Variants in GLTP observed in about 807,000 individuals in gnomAD.
GLTP encodes glycolipid transfer protein.
GLTP carries 22 observed loss-of-function variants against 24.0 expected under a neutral mutation model. The observed-to-expected ratio is 0.92, with a 90% confidence interval of 0.65 to 1.31. GLTP has a LOEUF of 1.31. GLTP is among the 50% of genes most tolerant of loss of function. The pLI, the probability that GLTP is intolerant of heterozygous loss-of-function variation, is 0.00. For missense variants in GLTP, 224 were observed against 276.6 expected (o/e 0.81, Z 1.35); for synonymous variants, 92 against 115.9 (o/e 0.79, Z 1.33).
chr12:109,857,754 T>G lies in GLTP; in HGVS notation c.163-95A>C. 2 of 1,173,372 alleles carry G rather than the reference T, an allele frequency of 1.7e-6. No homozygotes were observed. The highest frequency in any genetic ancestry group is 2.6e-6 in the Non-Finnish European group (2 of 780,424). The allele number at this position is 1,173,372 out of a possible 1,614,324, so 72.7% of individuals were successfully genotyped here. A position where few individuals can be genotyped will look rare whatever the true frequency, so the allele number is the denominator to read the frequency against. ...TGAAAAGCACCCTACCGGCATCTCC[T>G]GCTCCTTCCTGCCCTCCAGGAACAG... On this transcript the variant is annotated intron_variant, in intron 2 of 4. Transcript: ENST00000318348. The surrounding 1 kb of genome is among the most constrained non-coding windows in gnomAD (Gnocchi z 4.3).
At chr12:109,871,766 C>T (rs1231214529) in intron 1 of GLTP, among the ~76,000 whole-genome samples, 1 of 152,208 alleles carries the variant, frequency 6.6e-6, no homozygotes, top group African/African-American at 2.4e-5. Context: ...CACGGTCATA[C>T]GTTATATTTT....
intron 1 of GLTP, among the ~76,000 whole-genome samples, chr12:109,864,820 A>C (rs904815472): frequency 2.6e-5 from 4 of 152,154 alleles, no homozygotes; most frequent in African/African-American, 9.7e-5. Flanking sequence ...TGGCTTTTCT[A>C]ATAGTTTATT....
In GLTP at chr12:109,852,390, A is replaced by AAAG; in HGVS notation, c.*164_*165insCTT. 1 of 545,702 alleles carries AAAG rather than the reference A, an allele frequency of 1.8e-6. No individual in the cohort carries two copies. Among genetic ancestry groups the AAAG allele is most frequent in the Non-Finnish European group, 3.3e-6 (1 of 306,128 alleles). 33.8% of individuals were successfully genotyped at this position (545,702 alleles called of 1,614,324 possible). On this transcript the variant is annotated 3_prime_UTR_variant, in exon 5 of 5. Transcript: ENST00000318348. ...GAATAGACCAAAAAAAAAAAAAAAAAAGACTTAAAAAACGAGGGCTGTCCC... is the reference window on the plus strand; with the variant it reads ...GAATAGACCAAAAAAAAAAAAAAAAAAAGAGACTTAAAAAACGAGGGCTGTCCC...
intron 1 of GLTP, among the ~76,000 whole-genome samples, chr12:109,862,061 G>A (rs574831196): frequency 3.9e-5 from 6 of 152,152 alleles, no homozygotes; most frequent in African/African-American, 7.2e-5. Context: ...GTCTCCTCTC[G>A]GCAACTGAGC....
intron 2 of GLTP, chr12:109,858,286 C>T: frequency 2.2e-6 from 1 of 455,224 alleles, no homozygotes; most frequent in Non-Finnish European, 4.4e-6. Context: ...TTGGCTGGGC[C>T]CTAGGTGGAT....
At chr12:109,856,390 A>T (rs1056404010) in intron 3 of GLTP, among the ~76,000 whole-genome samples, 1 of 151,944 alleles carries the variant, frequency 6.6e-6, no homozygotes, top group African/African-American at 2.4e-5. Context: ...CGAAAATCTC[A>T]CCAGGGCCAG....
At chr12:109,856,633 T>G (rs1248126084) in intron 3 of GLTP, among the ~76,000 whole-genome samples, 1 of 151,690 alleles carries the variant, frequency 6.6e-6, no homozygotes, top group Non-Finnish European at 1.5e-5. Flanking sequence ...CTCCCTGCAG[T>G]GGGGTGGGGA....
Position 109,857,912 on chromosome 12 carries a change from G to C in GLTP, c.163-253C>G. 1.9e-6 allele frequency: 1 copy of C among 519,740 alleles called. No individual in the cohort carries two copies. Among genetic ancestry groups the C allele is most frequent in the East Asian group, 3.7e-5 (1 of 27,350 alleles). The allele number at this position is 519,740 out of a possible 1,614,324, so 32.2% of individuals were successfully genotyped here. A position where few individuals can be genotyped will look rare whatever the true frequency, so the allele number is the denominator to read the frequency against. On this transcript the variant is annotated intron_variant, in intron 2 of 4. Coordinates refer to ENST00000318348, the MANE Select transcript of GLTP (RefSeq NM_016433.4). This position sits in a 1 kb window ranked among gnomAD's most constrained non-coding sequence, Gnocchi z 4.3. Reference sequence around the variant, plus strand: ...CTGTCATTATCCCATTTTACAGGCAGAGACACTGAGGCTCACAGAGGAGCA... The same window carrying C: ...CTGTCATTATCCCATTTTACAGGCACAGACACTGAGGCTCACAGAGGAGCA...
At chr12:109,852,852 G>A (rs1378450794) in intron 4 of GLTP, 115 bp from the exon 5 acceptor site, 4 of 659,986 alleles carry the variant, frequency 6.1e-6, no homozygotes, top group Middle Eastern at 2.5e-4. Context: ...ACAGGGGGTT[G>A]TGCTATTTGA....
At chr12:109,870,128 A>G (rs1377705155) in intron 1 of GLTP, among the ~76,000 whole-genome samples, 1 of 152,124 alleles carries the variant, frequency 6.6e-6, no homozygotes, top group South Asian at 2.1e-4. Flanking sequence ...GTATAAATAA[A>G]GGCCTAAGCA....
chr12:109,865,963 T>A (rs1199555540), intron 1 of GLTP, among the ~76,000 whole-genome samples: 2 of 152,072 alleles, frequency 1.3e-5, no homozygotes, highest in Admixed American at 6.5e-5. Context: ...AGAAACCTCC[T>A]ATATGGGGGA....
chr12:109,864,860 A>G (rs1314330572), intron 1 of GLTP, among the ~76,000 whole-genome samples: 1 of 151,850 alleles, frequency 6.6e-6, no homozygotes, highest in Non-Finnish European at 1.5e-5. Flanking sequence ...ATTTTATTTT[A>G]TTTTTTGAGG....
At chr12:109,856,642 G>C (rs964415081) in intron 3 of GLTP, among the ~76,000 whole-genome samples, 1 of 152,156 alleles carries the variant, frequency 6.6e-6, no homozygotes, top group African/African-American at 2.4e-5. Flanking sequence ...GTGGGGTGGG[G>C]ATCAAGTCAG....
At chr12:109,861,184 G>A (rs1868359001) in intron 1 of GLTP, among the ~76,000 whole-genome samples, 1 of 152,174 alleles carries the variant, frequency 6.6e-6, no homozygotes. Context: ...TTCCACCCAG[G>A]GTGACCCTGC....
intron 1 of GLTP, among the ~76,000 whole-genome samples, chr12:109,876,363 A>T (rs1868878161): frequency 6.6e-6 from 1 of 152,074 alleles, no homozygotes; most frequent in Non-Finnish European, 1.5e-5. Flanking sequence ...AAAAATTTAA[A>T]AATTAGCTAA....
Position 109,880,172 on chromosome 12 carries a change from A to G in GLTP, c.103+100T>C, listed in dbSNP as rs1002670674. 2.9e-6 allele frequency: 2 copies of G among 684,200 alleles called. No individual in the cohort carries two copies. Among genetic ancestry groups the G allele is most frequent in the Non-Finnish European group, 5.1e-6 (2 of 391,652 alleles). 42.4% of individuals were successfully genotyped at this position (684,200 alleles called of 1,614,324 possible). On this transcript the variant is annotated intron_variant, in intron 1 of 4. Transcript: ENST00000318348. The surrounding 1 kb of genome is among the most constrained non-coding windows in gnomAD (Gnocchi z 5.1). ...TTGGGTGCCTGGGGAAACAGTACTT[A>G]GGGGTGTCTAGGGCAGAGATGGTTA...
chr12:109,877,157 CT>C (rs964898287), intron 1 of GLTP, among the ~76,000 whole-genome samples: 4 of 152,126 alleles, frequency 2.6e-5, no homozygotes, highest in South Asian at 2.1e-4. Flanking sequence ...CCAGCCCATA[CT>C]TTTTTTTCCC....
intron 4 of GLTP, among the ~76,000 whole-genome samples, chr12:109,854,768 C>T (rs1370794985): frequency 1.3e-5 from 2 of 152,180 alleles, no homozygotes; most frequent in Non-Finnish European, 2.9e-5. Context: ...TGGGAATGGG[C>T]CCTGTCTACA....
chr12:109,865,626 G>T (rs1464283535), intron 1 of GLTP, among the ~76,000 whole-genome samples: 2 of 151,970 alleles, frequency 1.3e-5, no homozygotes, highest in Admixed American at 6.6e-5. Context: ...TAGAGACGGG[G>T]TCTTACTATT....
Sources: gnomAD v4.1 joint callset for allele counts (sites outside exome capture counted in the v4.1 genomes callset) on GRCh38, gnomAD v4.1.1 for gene constraint, Gnocchi (gnomAD v3.1) non-coding constraint, MANE v1.5 for transcripts, NCBI Gene and HGNC (gene_info 2026-07-23, HGNC 2026-07-21) for gene names.